ZFAND3: variants seen among roughly 807,000 people sequenced by gnomAD.
ZFAND3 encodes zinc finger AN1-type containing 3.
Under a neutral mutation model 29.6 loss-of-function variants are expected in ZFAND3, and 10 were observed. The ratio of observed to expected loss-of-function variants is 0.34; its 90% CI spans 0.21 to 0.57. The LOEUF (loss-of-function observed/expected upper bound fraction) is 0.57, where lower values mean the gene tolerates loss of function less well. Among genes scored for constraint, ZFAND3 ranks in the 20% least tolerant of loss-of-function variants. The pLI is 0.86. For synonymous variants in ZFAND3, 128 were observed against 112.6 expected (o/e 1.14, Z -0.87); for missense variants, 230 against 304.5 (o/e 0.76, Z 1.82).
At chr6:37,994,025 T>C (rs1355804906) in intron 2 of ZFAND3, among the ~76,000 whole-genome samples, 2 of 152,090 alleles carry the variant, frequency 1.3e-5, no homozygotes, top group African/African-American at 2.4e-5. Context: ...GGTAAAAGAA[T>C]TGGATTTCTA....
At chr6:37,901,297 G>T (rs761274879) in intron 1 of ZFAND3, among the ~76,000 whole-genome samples, 3 of 152,188 alleles carry the variant, frequency 2.0e-5, no homozygotes, top group Non-Finnish European at 4.4e-5. Flanking sequence ...GGTAAGAGAT[G>T]AAAAGTTATC....
At chr6:37,991,988 A>G (rs1413709288) in intron 2 of ZFAND3, among the ~76,000 whole-genome samples, 2 of 152,210 alleles carry the variant, frequency 1.3e-5, no homozygotes, top group Non-Finnish European at 2.9e-5. Flanking sequence ...GTGATAAATC[A>G]TGTTTGGTAA....
At chr6:37,982,084 A>G (rs1762590276) in intron 2 of ZFAND3, among the ~76,000 whole-genome samples, 1 of 152,170 alleles carries the variant, frequency 6.6e-6, no homozygotes, top group African/African-American at 2.4e-5. Flanking sequence ...CAATAGGGCA[A>G]AGGAAGCAAT....
intron 2 of ZFAND3, among the ~76,000 whole-genome samples, chr6:37,991,792 TA>T (rs1293150686): frequency 6.6e-6 from 1 of 152,220 alleles, no homozygotes; most frequent in African/African-American, 2.4e-5. Context: ...TTACAGACCC[TA>T]TTTTGGAGTT....
At chr6:38,065,862 T>G (rs1310652755) in intron 3 of ZFAND3, among the ~76,000 whole-genome samples, 1 of 152,212 alleles carries the variant, frequency 6.6e-6, no homozygotes, top group Non-Finnish European at 1.5e-5. Context: ...TTTCAGTGGT[T>G]TGTATATTCA....
chr6:38,100,735 C>CT (rs1357116188), intron 4 of ZFAND3, among the ~76,000 whole-genome samples: 1 of 152,154 alleles, frequency 6.6e-6, no homozygotes, highest in Non-Finnish European at 1.5e-5. Flanking sequence ...ATGGATTTTT[C>CT]TTTTTTTAAC....
chr6:37,821,856 C>T (rs997287008), intron 1 of ZFAND3, among the ~76,000 whole-genome samples: 3 of 152,090 alleles, frequency 2.0e-5, no homozygotes, highest in Non-Finnish European at 2.9e-5. Context: ...ATTTTTGAGT[C>T]GGAGCCCTGC....
chr6:37,934,762 C>A (rs1392541857), intron 2 of ZFAND3, among the ~76,000 whole-genome samples: 1 of 140,028 alleles, frequency 7.1e-6, no homozygotes, highest in African/African-American at 2.6e-5. Flanking sequence ...TCACTTGAAC[C>A]CGGTGGGTGG....
At chr6:37,831,449 T>C (rs897346964) in intron 1 of ZFAND3, among the ~76,000 whole-genome samples, 1 of 152,336 alleles carries the variant, frequency 6.6e-6, no homozygotes, top group Admixed American at 6.5e-5. Flanking sequence ...TCTTGAGCTA[T>C]GCTAGGCAAG....
At chr6:37,851,249 C>T (rs1003843777) in intron 1 of ZFAND3, among the ~76,000 whole-genome samples, 3 of 150,746 alleles carry the variant, frequency 2.0e-5, no homozygotes, top group African/African-American at 7.3e-5. Context: ...GGCCTCCTTA[C>T]GTGCTGGGAT....
intron 1 of ZFAND3, among the ~76,000 whole-genome samples, chr6:37,863,471 C>T (rs995411895): frequency 3.9e-5 from 6 of 152,180 alleles, no homozygotes; most frequent in African/African-American, 1.4e-4. Flanking sequence ...AGAAGTGCTA[C>T]ATCACTTGTC....
intron 5 of ZFAND3, among the ~76,000 whole-genome samples, chr6:38,148,727 C>A (rs987272543): frequency 1.8e-4 from 28 of 152,090 alleles, no homozygotes; most frequent in Non-Finnish European, 8.8e-5. Flanking sequence ...ACCAGTCATT[C>A]CCATGCACCT....
At chr6:37,850,344 A>G (rs1232674476) in intron 1 of ZFAND3, among the ~76,000 whole-genome samples, 2 of 151,668 alleles carry the variant, frequency 1.3e-5, no homozygotes, top group Non-Finnish European at 2.9e-5. Context: ...CAGTTAGTCA[A>G]CAAATATTCT....
chr6:38,127,737 G>A (rs1335834584), intron 5 of ZFAND3, among the ~76,000 whole-genome samples: 1 of 151,554 alleles, frequency 6.6e-6, no homozygotes, highest in African/African-American at 2.4e-5. Flanking sequence ...AGATCGAAAA[G>A]GTAGTCCCTC....
At chr6:37,846,109 C>G (rs1764173027) in intron 1 of ZFAND3, among the ~76,000 whole-genome samples, 1 of 152,176 alleles carries the variant, frequency 6.6e-6, no homozygotes, top group Non-Finnish European at 1.5e-5. Flanking sequence ...TTGCCTGTTC[C>G]TGTTATAGCC....
intron 5 of ZFAND3, among the ~76,000 whole-genome samples, chr6:38,150,823 T>C (rs1035005970): frequency 4.0e-4 from 61 of 152,246 alleles, no homozygotes; most frequent in African/African-American, 1.4e-3. Flanking sequence ...AGGAGAGTGT[T>C]TGCTTGGGCA....
At chr6:38,125,994 T>G (rs1407947568) in intron 5 of ZFAND3, among the ~76,000 whole-genome samples, 1 of 152,218 alleles carries the variant, frequency 6.6e-6, no homozygotes, top group Non-Finnish European at 1.5e-5. Context: ...TGAGTTTTAG[T>G]AGATTTGTGT....
In ZFAND3 at chr6:37,937,814, C is replaced by T. The variant is rs138401419; in HGVS notation, c.112+7815C>T. ...CGCCCAAGAGGGATTTCTCGTGTAA[C>T]ACACACACACATTTTGGTCATGTGT... On this transcript the variant is annotated intron_variant, in intron 2 of 5. Transcript: ENST00000287218. 2.8e-3 allele frequency among the ~76,000 whole-genome samples: 420 copies of T among 152,032 alleles called. 1 individual carries two copies. The highest frequency in any genetic ancestry group is 9.1e-3 in the African/African-American group (378 of 41,470).
chr6:37,912,645 A>G (rs1299519105), intron 1 of ZFAND3, among the ~76,000 whole-genome samples: 1 of 152,218 alleles, frequency 6.6e-6, no homozygotes, highest in Non-Finnish European at 1.5e-5. Flanking sequence ...AAGAAGTCAT[A>G]TAATTGGAAT....
Sources: allele counts gnomAD v4.1 joint callset (sites outside exome capture counted in the v4.1 genomes callset), GRCh38; gene constraint gnomAD v4.1.1; transcripts MANE v1.5; gene names NCBI Gene and HGNC (gene_info 2026-07-23, HGNC 2026-07-21).